Variants in MTMR10 observed in about 807,000 individuals in gnomAD.
MTMR10 encodes the protein myotubularin related protein 10.
MTMR10 carries 56 observed loss-of-function variants against 88.1 expected under a neutral mutation model. The ratio of observed to expected loss-of-function variants is 0.64; its 90% CI spans 0.51 to 0.79. MTMR10 has a LOEUF of 0.79. Ranked by LOEUF, MTMR10 falls within the 30% of genes least tolerant of loss-of-function variation. The pLI, the probability that MTMR10 is intolerant of heterozygous loss-of-function variation, is 0.00. For missense variants in MTMR10, 883 were observed against 924.7 expected (o/e 0.95, Z 0.58); for synonymous variants, 380 against 340.9 (o/e 1.11, Z -1.26).
intron 11 of MTMR10, among the ~76,000 whole-genome samples, chr15:30,953,145 G>A (rs1271774978): frequency 6.6e-6 from 1 of 152,136 alleles, no homozygotes; most frequent in East Asian, 1.9e-4. Context: ...AAAGGAAGGG[G>A]TTGACTTATG....
chr15:30,942,979 C>G lies in MTMR10; in HGVS notation c.1642G>C (p.Asp548His). 1 of 1,555,264 alleles carries G rather than the reference C, an allele frequency of 6.4e-7. No homozygotes were observed. The highest frequency in any genetic ancestry group is 1.2e-5 in the South Asian group (1 of 84,356). Residue 548 changes from aspartate to histidine, a missense_variant, in exon 15 of 16, where the codon GAT becomes CAT. By Grantham distance (81) the Asp-to-His change is moderately conservative (BLOSUM62 -1). Around this residue, in one of 3 missense-constraint regions of MTMR10, gnomAD observed 343 missense variants for 323.2 expected, o/e 1.06. Coordinates refer to ENST00000435680, the MANE Select transcript of MTMR10 (RefSeq NM_017762.3). ...AAGGGGTTATGGAAAAGGGTGCGAT[C>G]CTTTGCTGTAAACTGGAGAGACCAG... ...WDWSLQFTAK[D>H]RTLFHNPFYI...
At chr15:30,953,491 TG>T in intron 11 of MTMR10, 70 bp downstream of exon 11, 1 of 1,184,870 alleles carries the variant, frequency 8.4e-7, no homozygotes, top group Non-Finnish European at 1.2e-6. Flanking sequence ...GTGCTATTTT[TG>T]TACCTCCAGT....
the MTMR10 span, among the ~76,000 whole-genome samples, chr15:30,920,324 G>A: frequency 2.6e-5 from 4 of 152,212 alleles, no homozygotes; most frequent in Admixed American, 6.5e-5. Context: ...CCTTGGTTTA[G>A]AATGATGAGT....
the MTMR10 span, chr15:30,922,176 A>G: frequency 1.9e-6 from 3 of 1,581,998 alleles, no homozygotes; most frequent in Non-Finnish European, 2.6e-6. Context: ...GCTTGTAAAT[A>G]TCATTGCAGC....
At chr15:30,987,983 C>T (rs540670006) in intron 2 of MTMR10, among the ~76,000 whole-genome samples, 1 of 150,898 alleles carries the variant, frequency 6.6e-6, no homozygotes, top group Admixed American at 6.7e-5. Context: ...GCCAGGTTTT[C>T]TATTGATTCT....
chr15:30,943,800 G>A (rs2140991851), intron 14 of MTMR10: 2 of 985,430 alleles, frequency 2.0e-6, no homozygotes, highest in African/African-American at 3.5e-5. Context: ...AAGACATGGA[G>A]CTCCTCTGGA....
chr15:30,923,071 C>T, the MTMR10 span, among the ~76,000 whole-genome samples: 1 of 152,158 alleles, frequency 6.6e-6, no homozygotes, highest in East Asian at 1.9e-4. Flanking sequence ...GACTGTGCCT[C>T]TGGGAGCTTT....
intron 2 of MTMR10, among the ~76,000 whole-genome samples, chr15:30,988,824 A>C (rs1469088745): frequency 6.6e-6 from 1 of 152,070 alleles, no homozygotes; most frequent in East Asian, 1.9e-4. Context: ...CCCCATTTCT[A>C]CTAAAAATAC....
chr15:30,973,977 A>T (rs935530354), intron 5 of MTMR10, among the ~76,000 whole-genome samples: 1 of 152,188 alleles, frequency 6.6e-6, no homozygotes, highest in Admixed American at 6.5e-5. Context: ...TAAAAGCCTA[A>T]CCAAACCTTA....
intron 2 of MTMR10, among the ~76,000 whole-genome samples, chr15:30,984,201 AT>A (rs1292774900): frequency 1.3e-5 from 2 of 152,182 alleles, no homozygotes; most frequent in African/African-American, 4.8e-5. Flanking sequence ...GTAGGATTTT[AT>A]TTATGGAGGT....
intron 5 of MTMR10, among the ~76,000 whole-genome samples, chr15:30,973,950 G>T (rs2029910547): frequency 6.6e-6 from 1 of 152,094 alleles, no homozygotes; most frequent in African/African-American, 2.4e-5. Context: ...TGTTGGTAAA[G>T]TTCTGCAGTA....
At chr15:30,964,147 T>C (rs1203369081) in intron 6 of MTMR10, among the ~76,000 whole-genome samples, 1 of 152,228 alleles carries the variant, frequency 6.6e-6, no homozygotes, top group African/African-American at 2.4e-5. Context: ...CCTGCTAATA[T>C]TACTGCTATT....
chr15:30,943,911 G>A (rs1367010711), intron 14 of MTMR10: 17 of 985,372 alleles, frequency 1.7e-5, no homozygotes, highest in East Asian at 1.1e-4. Context: ...CCACAGCAGT[G>A]TATACACAAC....
At chr15:30,922,307 G>A in the MTMR10 span, 1 of 1,614,036 alleles carries the variant, frequency 6.2e-7, no homozygotes. Flanking sequence ...CCGATGGTGG[G>A]ATCGACTGGC....
intron 2 of MTMR10, among the ~76,000 whole-genome samples, chr15:30,980,681 G>T (rs1294358716): frequency 6.6e-6 from 1 of 152,012 alleles, no homozygotes; most frequent in Non-Finnish European, 1.5e-5. Context: ...CTGGGGCAGG[G>T]GAAACAGAAG....
chr15:30,929,461 T>TTAG, the MTMR10 span: 1 of 1,302,140 alleles, frequency 7.7e-7, no homozygotes, highest in South Asian at 1.4e-5. Flanking sequence ...TGCTGTCTTT[T>TTAG]CAGCAACTTT....
intron 2 of MTMR10, among the ~76,000 whole-genome samples, chr15:30,980,026 C>T (rs1309901004): frequency 6.6e-6 from 1 of 152,220 alleles, no homozygotes; most frequent in Non-Finnish European, 1.5e-5. Context: ...ATATTTACTG[C>T]ACTTCACAGA....
intron 11 of MTMR10, among the ~76,000 whole-genome samples, chr15:30,953,316 C>T (rs1051707994): frequency 2.0e-5 from 3 of 152,120 alleles, no homozygotes; most frequent in African/African-American, 7.2e-5. Context: ...GTGATAAAAT[C>T]GCACAGCTGT....
intron 7 of MTMR10, 137 bp from the exon 8 acceptor site, chr15:30,959,258 TG>T (rs1205806831): frequency 1.4e-6 from 1 of 733,612 alleles, no homozygotes. Flanking sequence ...GTGGGCACCA[TG>T]GGGGGGCAGT....
Sources: allele counts gnomAD v4.1 joint callset (sites outside exome capture counted in the v4.1 genomes callset), GRCh38; gene constraint gnomAD v4.1.1; regional missense constraint gnomAD v4.1.1; transcripts MANE v1.5; gene names NCBI Gene and HGNC (gene_info 2026-07-23, HGNC 2026-07-21).